GRIP2: variants seen among roughly 807,000 people sequenced by gnomAD.
GRIP2 encodes glutamate receptor-interacting protein 2.
Under a neutral mutation model 108.3 loss-of-function variants are expected in GRIP2, and 58 were observed. The observed-to-expected ratio is 0.54, with a 90% confidence interval of 0.43 to 0.67. GRIP2 has a LOEUF of 0.67. Among genes scored for constraint, GRIP2 ranks in the 30% least tolerant of loss-of-function variants. The pLI, the probability that GRIP2 is intolerant of heterozygous loss-of-function variation, is 0.00. For missense variants in GRIP2, 1,278 were observed against 1,430.6 expected, an observed-to-expected ratio of 0.89 and a Z score of 1.72; for synonymous variants, 586 against 598.2, an observed-to-expected ratio of 0.98 and a Z score of 0.30.
At chr3:14,547,578 T>C (rs1695076703) in intron 1 of GRIP2, among the ~76,000 whole-genome samples, 3 of 152,182 alleles carry the variant, frequency 2.0e-5, no homozygotes, top group African/African-American at 7.2e-5. Flanking sequence ...CTGGAAGAGT[T>C]TGGAGGGAGA....
chr3:14,501,585 T>C (rs1022146084), intron 21 of GRIP2, among the ~76,000 whole-genome samples: 2 of 152,146 alleles, frequency 1.3e-5, no homozygotes, highest in Non-Finnish European at 2.9e-5. Context: ...AATAACTAGC[T>C]AAAAAAGCAG....
intron 1 of GRIP2, among the ~76,000 whole-genome samples, chr3:14,530,060 T>C (rs1281094892): frequency 6.6e-6 from 1 of 152,196 alleles, no homozygotes; most frequent in South Asian, 2.1e-4. Flanking sequence ...AATTCTAATG[T>C]TCACCAGAAA....
At chr3:14,545,160 C>T (rs558370270), upstream of GRIP2, among the ~76,000 whole-genome samples, 7 of 152,358 alleles carry the variant, frequency 4.6e-5, no homozygotes, top group Non-Finnish European at 7.3e-5. Flanking sequence ...GAAGAGCCAC[C>T]GTTAACATAA....
chr3:14,505,808 C>T lies in GRIP2; in HGVS notation c.2399-19G>A. 1 of 1,496,192 alleles carries T rather than the reference C, an allele frequency of 6.7e-7. No homozygotes were observed. The highest frequency in any genetic ancestry group is 8.9e-7 in the Non-Finnish European group (1 of 1,123,370). 92.7% of individuals were successfully genotyped at this position (1,496,192 alleles called of 1,614,324 possible). On this transcript the variant is annotated intron_variant, in intron 19 of 23. Transcript: ENST00000621039. This position sits in a 1 kb window ranked among gnomAD's most constrained non-coding sequence, Gnocchi z 4.2. ...TAGGACCCTGGTGGTGGAGAGAGGG[C>T]CTCTGTGTTCCCTGCGGCCTCACCT...
At chr3:14,561,162 T>C in the GRIP2 span, among the ~76,000 whole-genome samples, 5 of 152,222 alleles carry the variant, frequency 3.3e-5, no homozygotes, top group Admixed American at 6.5e-5. Flanking sequence ...AGGATCCTTC[T>C]GCAGACAGCA....
At chr3:14,516,410 A>G (rs1363432389) in intron 11 of GRIP2, among the ~76,000 whole-genome samples, 2 of 152,222 alleles carry the variant, frequency 1.3e-5, no homozygotes, top group South Asian at 2.1e-4. Flanking sequence ...TTCTGCATCA[A>G]CAAAGGAAAG....
rs1264639933 is a variant in GRIP2 at position 14,507,135 on chromosome 3, A to C, written c.2219-155T>G. On this transcript the variant is annotated intron_variant, in intron 18 of 23. Transcript: ENST00000621039. The surrounding 1 kb of genome is among the most constrained non-coding windows in gnomAD (Gnocchi z 4.6). ...ACTAATAAGCAAACCTGTTTCACAGATGGGAAAACTGAGGCTCGGGGAAGC... is the reference window on the plus strand; with the variant it reads ...ACTAATAAGCAAACCTGTTTCACAGCTGGGAAAACTGAGGCTCGGGGAAGC... Among the ~76,000 whole-genome samples the C allele has an allele frequency of 6.6e-6, 1 of 152,156 alleles. No homozygotes were observed. Among genetic ancestry groups the C allele is most frequent in the Non-Finnish European group, 1.5e-5 (1 of 68,026 alleles).
intron 1 of GRIP2, among the ~76,000 whole-genome samples, chr3:14,526,245 T>C (rs1266050118): frequency 1.3e-5 from 2 of 152,214 alleles, no homozygotes; most frequent in East Asian, 3.8e-4. Context: ...TATTCCACTG[T>C]ACAGATAAGG....
At chr3:14,548,065 C>T (rs909536675) in intron 1 of GRIP2, among the ~76,000 whole-genome samples, 2 of 152,036 alleles carry the variant, frequency 1.3e-5, no homozygotes, top group African/African-American at 2.4e-5. Flanking sequence ...GGAAAGCTGC[C>T]GGGTGGAGGC....
chr3:14,584,906 T>C, the GRIP2 span, among the ~76,000 whole-genome samples: 1 of 152,202 alleles, frequency 6.6e-6, no homozygotes, highest in Non-Finnish European at 1.5e-5. Context: ...GTGCAGAATC[T>C]GATGCAATTG....
At position 14,522,787 on chromosome 3, in the gene GRIP2, T is replaced by G; in HGVS notation, c.566+213A>C. ...AACACCCCAACCCCTGAGACAGCAG[T>G]ATGTTGGGGAAGAAAGGGCTCGAGG... On this transcript the variant is annotated intron_variant, in intron 6 of 23. Coordinates refer to ENST00000621039, the MANE Select transcript of GRIP2 (RefSeq NM_001080423.4). The surrounding 1 kb of genome is among the most constrained non-coding windows in gnomAD (Gnocchi z 4.3). The G allele has an allele frequency of 1.8e-6, 1 of 556,010 alleles. No individual in the cohort carries two copies. The highest frequency in any genetic ancestry group is 3.2e-5 in the East Asian group (1 of 30,898). The allele number at this position is 556,010 out of a possible 1,614,324, so 34.4% of individuals were successfully genotyped here. A position where few individuals can be genotyped will look rare whatever the true frequency, so the allele number is the denominator to read the frequency against.
chr3:14,573,801 C>G, the GRIP2 span: 1 of 1,546,626 alleles, frequency 6.5e-7, no homozygotes, highest in Non-Finnish European at 8.9e-7. Context: ...TCTCTTGTGG[C>G]CGGCAAGCTC....
chr3:14,531,428 T>C (rs984219252), intron 1 of GRIP2, among the ~76,000 whole-genome samples: 1 of 152,228 alleles, frequency 6.6e-6, no homozygotes, highest in Non-Finnish European at 1.5e-5. Context: ...GACCCCAGCC[T>C]CCCTGCAGCA....
chr3:14,592,806 C>T, the GRIP2 span, among the ~76,000 whole-genome samples: 3 of 152,128 alleles, frequency 2.0e-5, no homozygotes, highest in Admixed American at 6.5e-5. Flanking sequence ...CCCAAAACCC[C>T]GTGATCCTTG....
rs532594271 is a variant in GRIP2 at position 14,525,971 on chromosome 3, G to A, written c.41-40C>T. ...GAGGGAAAGGCCGAGTTCCACTTTC[G>A]TTTCCATTCCTGCAGACCTCTTCTG... On this transcript the variant is annotated intron_variant, in intron 1 of 23. Transcript: ENST00000621039. 2.5e-5 allele frequency: 38 copies of A among 1,522,554 alleles called. No homozygotes were observed. In the East Asian group the frequency reaches 5.1e-4, roughly 21 times the overall value. 94.3% of individuals were successfully genotyped at this position (1,522,554 alleles called of 1,614,324 possible).
At chr3:14,509,288 G>T (rs1039661128) in intron 17 of GRIP2, among the ~76,000 whole-genome samples, 1 of 152,226 alleles carries the variant, frequency 6.6e-6, no homozygotes, top group African/African-American at 2.4e-5. Flanking sequence ...GCCCAGCTCG[G>T]GGGAGAAGGC....
chr3:14,517,087 C>A lies in GRIP2; in HGVS notation c.1283G>T (p.Arg428Leu). 6.3e-7 allele frequency: 1 copy of A among 1,597,034 alleles called. No homozygotes were observed. Among genetic ancestry groups the A allele is most frequent in the Non-Finnish European group, 8.5e-7 (1 of 1,172,092 alleles). ...ACACGAGCTCTTGTGTTCCCTTCTT[C>A]GCTGCCTCCTCCGCCCCATTGTAGT... ...PRTTMGRRRQRRREHKSSLSL... is the reference protein window; with the variant it reads ...PRTTMGRRRQLRREHKSSLSL... Residue 428 changes from arginine to leucine, a missense_variant, in exon 11 of 24, where the codon CGA (arginine) becomes CTA (leucine). By Grantham distance (102) the Arg-to-Leu change is moderately radical. Transcript: ENST00000621039.
chr3:14,493,329 C>T lies in GRIP2; in HGVS notation c.*336G>A, dbSNP rs1701377942. On this transcript the variant is annotated 3_prime_UTR_variant, in exon 24 of 24. Coordinates refer to ENST00000621039, the MANE Select transcript of GRIP2 (RefSeq NM_001080423.4). ...GTGCTCCCTACATCTTCGACCTCTC[C>T]AAGGAGGCCCCACAGAGACCTGGGA... is the stretch of plus-strand genomic sequence containing the variant. 3 of 281,996 alleles carry T rather than the reference C, an allele frequency of 1.1e-5. No individual in the cohort carries two copies. In the East Asian group the frequency reaches 2.0e-4, roughly 18 times the overall value. 17.5% of individuals were successfully genotyped at this position (281,996 alleles called of 1,614,324 possible).
In GRIP2 at chr3:14,503,701, T is replaced by A. The variant is rs751116381; in HGVS notation, c.2574-30A>T. 4.7e-5 allele frequency: 16 copies of A among 339,458 alleles called. No individual in the cohort carries two copies. The Admixed American group carries it at 5.8e-4, about 12-fold the overall frequency. The allele number at this position is 339,458 out of a possible 1,614,324, so 21.0% of individuals were successfully genotyped here. A position where few individuals can be genotyped will look rare whatever the true frequency, so the allele number is the denominator to read the frequency against. On this transcript the variant is annotated intron_variant, in intron 20 of 23. Transcript: ENST00000621039. ...AACGTAGGAACCAGAGAGCGTCAAC[T>A]CCTGGCAGGCGGGTGGGCGGGCTGG...
Sources: gnomAD v4.1 joint callset for allele counts (sites outside exome capture counted in the v4.1 genomes callset) on GRCh38, gnomAD v4.1.1 for gene constraint, Gnocchi (gnomAD v3.1) non-coding constraint, MANE v1.5 for transcripts, NCBI Gene and HGNC (gene_info 2026-07-23, HGNC 2026-07-21) for gene names.